Variants in SEC63 observed in about 807,000 individuals in gnomAD.
SEC63 encodes translocation protein SEC63 homolog.
Under a neutral mutation model 116.2 loss-of-function variants are expected in SEC63, and 56 were observed. The ratio of observed to expected loss-of-function variants is 0.48; its 90% CI spans 0.39 to 0.60. SEC63 has a LOEUF of 0.60. Ranked by LOEUF, SEC63 falls within the 20% of genes least tolerant of loss-of-function variation. The pLI is 0.00. For synonymous variants in SEC63, 273 were observed against 294.6 expected, an observed-to-expected ratio of 0.93 and a Z score of 0.75; for missense variants, 668 against 900.0, an observed-to-expected ratio of 0.74 and a Z score of 3.30.
Position 107,871,413 on chromosome 6 carries a change from A to G in SEC63, c.*291T>C. On this transcript the variant is annotated 3_prime_UTR_variant, in exon 21 of 21. Coordinates refer to ENST00000369002, the MANE Select transcript of SEC63 (RefSeq NM_007214.5). ...TTTACTGGGACCATAGACTGATCAG[A>G]TAATACATAGCCCACACTTCTGGAC... is the stretch of plus-strand genomic sequence containing the variant. 7.2e-6 allele frequency: 3 copies of G among 415,534 alleles called. No homozygotes were observed. Among genetic ancestry groups the G allele is most frequent in the South Asian group, 4.3e-5 (2 of 46,128 alleles). The allele number at this position is 415,534 out of a possible 1,614,324, so 25.7% of individuals were successfully genotyped here. A position where few individuals can be genotyped will look rare whatever the true frequency, so the allele number is the denominator to read the frequency against.
At chr6:107,893,450 A>G in intron 16 of SEC63, 32 bp downstream of exon 16, 1 of 1,591,216 alleles carries the variant, frequency 6.3e-7, no homozygotes, top group Non-Finnish European at 8.6e-7. Context: ...ATTTTAGCTT[A>G]ATAATGATAA....
intron 17 of SEC63, 52 bp from the exon 18 acceptor site, chr6:107,881,302 T>C (rs745977769): frequency 8.1e-7 from 1 of 1,240,840 alleles, no homozygotes; most frequent in Non-Finnish European, 1.2e-6. Context: ...GTTTTATCAC[T>C]TTAAGGATTT....
At chr6:107,932,889 C>T (rs532254507) in intron 1 of SEC63, among the ~76,000 whole-genome samples, 5 of 152,002 alleles carry the variant, frequency 3.3e-5, no homozygotes, top group East Asian at 3.9e-4. Context: ...AAAGGGGAAA[C>T]GAATGACTTT....
At chr6:107,896,824 CA>C (rs1253711706) in intron 14 of SEC63, among the ~76,000 whole-genome samples, 1 of 151,870 alleles carries the variant, frequency 6.6e-6, no homozygotes, top group Non-Finnish European at 1.5e-5. Flanking sequence ...ACTAAAAACA[CA>C]AAAATTAGCC....
chr6:107,953,094 T>C (rs1770613559), intron 1 of SEC63, among the ~76,000 whole-genome samples: 1 of 152,076 alleles, frequency 6.6e-6, no homozygotes, highest in African/African-American at 2.4e-5. Context: ...ACCCCATCTC[T>C]ACTAAAAATA....
intron 1 of SEC63, among the ~76,000 whole-genome samples, chr6:107,953,158 G>T (rs1479711318): frequency 6.6e-6 from 1 of 152,196 alleles, no homozygotes; most frequent in African/African-American, 2.4e-5. Flanking sequence ...TACTCAGGAG[G>T]CTGAGGCACG....
At chr6:107,917,583 T>C (rs1209231817) in intron 4 of SEC63, among the ~76,000 whole-genome samples, 1 of 152,176 alleles carries the variant, frequency 6.6e-6, no homozygotes, top group African/African-American at 2.4e-5. Context: ...GACAGTCAAG[T>C]TGTGAATTCA....
chr6:107,953,249 G>C (rs978551972), intron 1 of SEC63, among the ~76,000 whole-genome samples: 11 of 152,264 alleles, frequency 7.2e-5, no homozygotes, highest in Admixed American at 7.2e-4. Flanking sequence ...GACAGAGCAA[G>C]GCTCCATCTC....
chr6:107,915,233 TG>T (rs1787371908), intron 4 of SEC63, among the ~76,000 whole-genome samples: 1 of 152,168 alleles, frequency 6.6e-6, no homozygotes. Flanking sequence ...CTTAATTTTT[TG>T]GGGGTAACAG....
At chr6:107,924,700 A>G (rs949342888) in intron 3 of SEC63, 118 bp downstream of exon 3, 5 of 659,078 alleles carry the variant, frequency 7.6e-6, no homozygotes, top group Non-Finnish European at 1.4e-5. Flanking sequence ...TTATTTTAAT[A>G]AACAAACTGA....
chr6:107,882,503 C>G lies in SEC63; in HGVS notation c.1833+485G>C, dbSNP rs1001553056. ...TGTCCTTAATATATCTTATATACAC[C>G]CATGAAACAAGGTGGTATTCTATAA... On this transcript the variant is annotated intron_variant, in intron 17 of 20. Coordinates refer to ENST00000369002, the MANE Select transcript of SEC63 (RefSeq NM_007214.5). 2.6e-5 allele frequency among the ~76,000 whole-genome samples: 4 copies of G among 152,202 alleles called. No individual in the cohort carries two copies. In the East Asian group the frequency reaches 7.7e-4, roughly 29 times the overall value.
intron 1 of SEC63, among the ~76,000 whole-genome samples, chr6:107,948,672 GTC>G (rs1466099867): frequency 6.6e-6 from 1 of 152,082 alleles, no homozygotes; most frequent in Admixed American, 6.6e-5. Context: ...AAGCCTCAAG[GTC>G]TCTCTGACTT....
At chr6:107,955,385 A>T (rs142899527) in intron 1 of SEC63, among the ~76,000 whole-genome samples, 1,546 of 151,042 alleles carry the variant, frequency 0.01, 29 homozygotes, top group African/African-American at 0.036. Flanking sequence ...CTGGTCTTGA[A>T]CTCCTGACTT....
chr6:107,930,587 A>T (rs1787778958), intron 1 of SEC63, among the ~76,000 whole-genome samples: 1 of 152,062 alleles, frequency 6.6e-6, no homozygotes, highest in African/African-American at 2.4e-5. Flanking sequence ...AGCCTAGGCA[A>T]CAAGAGTGAA....
intron 4 of SEC63, 51 bp from the exon 5 acceptor site, chr6:107,913,478 C>G (rs1430341228): frequency 1.5e-6 from 2 of 1,301,300 alleles, no homozygotes; most frequent in African/African-American, 2.9e-5. Flanking sequence ...ATCTGAAAAA[C>G]AAGTACTCAT....
chr6:107,940,528 G>A lies in SEC63; in HGVS notation c.125-11014C>T, dbSNP rs553494048. On this transcript the variant is annotated intron_variant, in intron 1 of 20. Coordinates refer to ENST00000369002, the MANE Select transcript of SEC63 (RefSeq NM_007214.5). ...GTGATCTCTACCCACTAGATGCCAG[G>A]AACAGCTCCCCAGTGGAGACCAAAA... Among the ~76,000 whole-genome samples, 18 of 152,044 alleles carry A rather than the reference G, an allele frequency of 1.2e-4. No homozygotes were observed. The East Asian group carries it at 3.1e-3, about 26-fold the overall frequency.
At chr6:107,920,227 T>A (rs144240269) in intron 4 of SEC63, among the ~76,000 whole-genome samples, 1 of 151,826 alleles carries the variant, frequency 6.6e-6, no homozygotes, top group Non-Finnish European at 1.5e-5. Flanking sequence ...ATCGAGACCA[T>A]CCTGGCTAAC....
chr6:107,938,243 G>T lies in SEC63; in HGVS notation c.125-8729C>A, dbSNP rs571260511. 3.2e-4 allele frequency among the ~76,000 whole-genome samples: 28 copies of T among 87,086 alleles called. No individual in the cohort carries two copies. In the East Asian group the frequency reaches 8.4e-3, roughly 26 times the overall value. The allele number at this position is 87,086 out of a possible 152,430, so 57.1% of individuals were successfully genotyped here. A position where few individuals can be genotyped will look rare whatever the true frequency, so the allele number is the denominator to read the frequency against. On this transcript the variant is annotated intron_variant, in intron 1 of 20. Coordinates refer to ENST00000369002, the MANE Select transcript of SEC63 (RefSeq NM_007214.5). ...AATTTAATATATTTCATCCTGGTGA[G>T]TTAATTTTTTTTTTTTTTTTTTGAG...
At chr6:107,896,555 T>C (rs978536425) in intron 14 of SEC63, among the ~76,000 whole-genome samples, 3 of 152,188 alleles carry the variant, frequency 2.0e-5, no homozygotes, top group Non-Finnish European at 2.9e-5. Flanking sequence ...TACATTTAAG[T>C]GCATATATGT....
Sources: gnomAD v4.1 joint callset for allele counts (sites outside exome capture counted in the v4.1 genomes callset) on GRCh38, gnomAD v4.1.1 for gene constraint, MANE v1.5 for transcripts, NCBI Gene and HGNC (gene_info 2026-07-23, HGNC 2026-07-21) for gene names.